BPIFC: variants seen among roughly 807,000 people sequenced by gnomAD.
The protein encoded by BPIFC is BPI fold-containing family C protein.
Under a neutral mutation model 57.6 loss-of-function variants are expected in BPIFC, and 60 were observed. The ratio of observed to expected loss-of-function variants is 1.04; its 90% CI spans 0.85 to 1.29. The LOEUF (loss-of-function observed/expected upper bound fraction) is 1.29, where lower values mean the gene tolerates loss of function less well. Ranked by LOEUF, BPIFC falls within the 50% of genes most tolerant of loss-of-function variation. The pLI is 0.00. For synonymous variants in BPIFC, 243 were observed against 224.5 expected (o/e 1.08, Z -0.74); for missense variants, 581 against 600.5 (o/e 0.97, Z 0.34).
intron 15 of BPIFC, 67 bp downstream of exon 15, chr22:32,417,018 T>G (rs546232238): frequency 7.8e-7 from 1 of 1,285,290 alleles, no homozygotes; most frequent in Non-Finnish European, 1.1e-6. Flanking sequence ...CAATCCCCAG[T>G]GCAGCCGATG....
intron 3 of BPIFC, among the ~76,000 whole-genome samples, chr22:32,453,942 CAAA>C (rs34168726): frequency 4.1e-5 from 6 of 146,008 alleles, no homozygotes; most frequent in African/African-American, 1.5e-4. Context: ...ACAACAACAA[CAAA>C]AAAAAAAATT....
intron 1 of BPIFC, among the ~76,000 whole-genome samples, chr22:32,463,028 T>C (rs1935197594): frequency 1.3e-5 from 2 of 152,212 alleles, no homozygotes; most frequent in South Asian, 4.1e-4. Flanking sequence ...AAACCTGTTT[T>C]CCCTTCTTGG....
intron 13 of BPIFC, among the ~76,000 whole-genome samples, chr22:32,426,371 G>C (rs1934067921): frequency 6.6e-6 from 1 of 152,160 alleles, no homozygotes; most frequent in African/African-American, 2.4e-5. Flanking sequence ...GGCAGGGCTA[G>C]GGATCCTACT....
intron 13 of BPIFC, among the ~76,000 whole-genome samples, chr22:32,420,488 A>G (rs1377203971): frequency 6.6e-6 from 1 of 152,176 alleles, no homozygotes; most frequent in East Asian, 1.9e-4. Context: ...TTAGCTGTTC[A>G]ATCGTTGCAG....
At chr22:32,443,313 G>A (rs960699144) in intron 7 of BPIFC, among the ~76,000 whole-genome samples, 166 of 152,228 alleles carry the variant, frequency 1.1e-3, no homozygotes, top group African/African-American at 3.8e-3. Context: ...ACAGGCGCTC[G>A]CCACTATGCC....
intron 14 of BPIFC, among the ~76,000 whole-genome samples, chr22:32,418,062 C>T (rs745448414): frequency 6.6e-6 from 1 of 152,038 alleles, no homozygotes; most frequent in Non-Finnish European, 1.5e-5. Flanking sequence ...GAAATAATTA[C>T]CGTAAATATG....
chr22:32,415,065 C>T (rs1355193842), intron 16 of BPIFC, among the ~76,000 whole-genome samples: 1 of 152,166 alleles, frequency 6.6e-6, no homozygotes, highest in Admixed American at 6.5e-5. Context: ...GGGATGGTTT[C>T]GGGATGAAAC....
At chr22:32,452,718 CA>C (rs1331759922) in intron 4 of BPIFC, among the ~76,000 whole-genome samples, 1 of 152,038 alleles carries the variant, frequency 6.6e-6, no homozygotes, top group African/African-American at 2.4e-5. Context: ...ATGATCACCC[CA>C]AAGGGTTGGA....
At chr22:32,430,812 A>C (rs1162127660) in intron 13 of BPIFC, among the ~76,000 whole-genome samples, 1 of 151,784 alleles carries the variant, frequency 6.6e-6, no homozygotes, top group African/African-American at 2.4e-5. Context: ...GCTAATTTTT[A>C]AAAAAGCTTT....
chr22:32,447,234 A>C lies in BPIFC; in HGVS notation c.352T>G (p.Trp118Gly), dbSNP rs1356183883. 6.2e-7 allele frequency: 1 copy of C among 1,612,052 alleles called. No individual in the cohort carries two copies. Among genetic ancestry groups the C allele is most frequent in the Non-Finnish European group, 8.5e-7 (1 of 1,178,966 alleles). The change falls in exon 5 of 17, where the codon TGG becomes GGG. Residue 118 changes from tryptophan (W) to glycine (G), a missense_variant. Physicochemically the swap from Trp to Gly is radical, Grantham distance 184. Transcript: ENST00000300399. ...NHGTANISTD[W>G]GFESPLFQDT... is the part of the protein sequence containing the mutation. ...CACAAAAGTGGAGACTCGAACCCCC[A>C]GTCTGTGCTGATGTTGGCAGTGCCA... is the stretch of plus-strand genomic sequence containing the variant.
At chr22:32,446,976 G>T (rs927827408) in intron 5 of BPIFC, among the ~76,000 whole-genome samples, 2 of 152,198 alleles carry the variant, frequency 1.3e-5, no homozygotes, top group Non-Finnish European at 2.9e-5. Flanking sequence ...GTTCTTAAGA[G>T]AATCTTAAAT....
intron 13 of BPIFC, among the ~76,000 whole-genome samples, chr22:32,428,910 A>G (rs1313575167): frequency 6.6e-6 from 1 of 152,170 alleles, no homozygotes; most frequent in East Asian, 1.9e-4. Context: ...AAAAAAAACA[A>G]AATTATATTC....
intron 5 of BPIFC, 123 bp downstream of exon 5, chr22:32,447,089 G>A: frequency 7.5e-7 from 1 of 1,326,810 alleles, no homozygotes; most frequent in African/African-American, 1.5e-5. Flanking sequence ...AAATGCTTTT[G>A]AGAAAGATTG....
At chr22:32,464,177 T>A (rs1935213953) in intron 1 of BPIFC, among the ~76,000 whole-genome samples, 197 bp downstream of exon 1, 1 of 152,202 alleles carries the variant, frequency 6.6e-6, no homozygotes, top group Admixed American at 6.5e-5. Flanking sequence ...CTAAAGCTTT[T>A]GCCTAAGAAG....
intron 3 of BPIFC, among the ~76,000 whole-genome samples, chr22:32,455,282 C>T (rs1430252095): frequency 1.3e-5 from 2 of 151,986 alleles, no homozygotes; most frequent in Non-Finnish European, 2.9e-5. Context: ...ATCTCTTGAC[C>T]TCGTGATCCT....
chr22:32,457,067 C>G (rs375557503), intron 3 of BPIFC, among the ~76,000 whole-genome samples, 196 bp downstream of exon 3: 1 of 152,136 alleles, frequency 6.6e-6, no homozygotes, highest in African/African-American at 2.4e-5. Context: ...TTTGGACATG[C>G]CTCCCATCAA....
intron 13 of BPIFC, among the ~76,000 whole-genome samples, chr22:32,424,741 CTCTTCTTCTTCCTCTTCTTCT>C (rs1569448229): frequency 0.073 from 3,243 of 44,306 alleles, 741 homozygotes; most frequent in African/African-American, 0.22. Context: ...CTTCTTCTTC[CTCTTCTTCTTCCTCTTCTTCT>C]TCTTCTTCTT....
intron 13 of BPIFC, among the ~76,000 whole-genome samples, chr22:32,424,665 CTTCTTCTTCTTCTTCTTCTTCTTCT>C (rs1933974848): frequency 1.4e-5 from 1 of 70,740 alleles, no homozygotes; most frequent in Non-Finnish European, 2.5e-5. Context: ...TCTTCTTCTT[CTTCTTCTTCTTCTTCTTCTTCTTCT>C]TCCTCTTCTT....
At chr22:32,452,496 G>A (rs556062198) in intron 4 of BPIFC, among the ~76,000 whole-genome samples, 2 of 151,934 alleles carry the variant, frequency 1.3e-5, no homozygotes, top group Non-Finnish European at 2.9e-5. Flanking sequence ...AAAATTAGCC[G>A]GGCGTGGTGG....
Sources: allele counts gnomAD v4.1 joint callset (sites outside exome capture counted in the v4.1 genomes callset), GRCh38; gene constraint gnomAD v4.1.1; transcripts MANE v1.5; gene names NCBI Gene and HGNC (gene_info 2026-07-23, HGNC 2026-07-21).